The following BRAF variants were observed in gnomAD, a reference collection of about 807,000 sequenced individuals.
BRAF encodes serine/threonine-protein kinase B-raf.
In BRAF, 16 loss-of-function variants were observed where a neutral mutation model predicts 104.6. The observed-to-expected ratio is 0.15, with a 90% CI of 0.10 to 0.23. The LOEUF is 0.23. Among genes scored for constraint, BRAF ranks in the 10% least tolerant of loss-of-function variants. The probability of loss-of-function intolerance (pLI) is 1.00; values close to 1 mark genes in which losing one functional copy is unlikely to be tolerated. For synonymous variants in BRAF, 310 were observed against 341.6 expected, an observed-to-expected ratio of 0.91 and a Z score of 1.02; for missense variants, 541 against 937.3, an observed-to-expected ratio of 0.58 and a Z score of 5.52.
At chr7:140,778,894 C>T (rs778118002) in intron 12 of BRAF, among the ~76,000 whole-genome samples, 6 of 152,068 alleles carry the variant, frequency 3.9e-5, no homozygotes, top group Non-Finnish European at 7.4e-5. Flanking sequence ...TATATATACC[C>T]ATCAATGGTT....
At chr7:140,876,626 C>T (rs772373552) in intron 1 of BRAF, among the ~76,000 whole-genome samples, 3 of 151,924 alleles carry the variant, frequency 2.0e-5, no homozygotes, top group Admixed American at 1.3e-4. Flanking sequence ...TATATATGCA[C>T]CTAATAATGG....
intron 19 of BRAF, among the ~76,000 whole-genome samples, chr7:140,727,721 T>C (rs1050579383): frequency 1.3e-5 from 2 of 151,802 alleles, no homozygotes; most frequent in African/African-American, 4.8e-5. Flanking sequence ...CCTGGGCTCA[T>C]GCCATTCTCC....
chr7:140,808,071 T>G lies in BRAF; in HGVS notation c.609-9A>C. ...CAATTGGTTTCTTCTCTCTGAAAAA[T>G]GTAGACACAAGCCTTTCTTGGTTAT... On this transcript the variant is annotated splice_polypyrimidine_tract_variant and intron_variant, in intron 4 of 19. Transcript: ENST00000644969. 1 of 1,592,406 alleles carries G rather than the reference T, an allele frequency of 6.3e-7. No individual in the cohort carries two copies. Among genetic ancestry groups the G allele is most frequent in the Non-Finnish European group, 8.6e-7 (1 of 1,160,636 alleles).
At chr7:140,920,148 A>C (rs1818062714) in intron 1 of BRAF, among the ~76,000 whole-genome samples, 1 of 152,254 alleles carries the variant, frequency 6.6e-6, no homozygotes, top group South Asian at 2.1e-4. Context: ...CTTAAGGACA[A>C]TATGAGGCAG....
chr7:140,769,547 A>G (rs1799641944), intron 14 of BRAF, among the ~76,000 whole-genome samples: 1 of 152,226 alleles, frequency 6.6e-6, no homozygotes, highest in South Asian at 2.1e-4. Context: ...AAGTGGTCTC[A>G]TGCTGCAGCT....
intron 1 of BRAF, among the ~76,000 whole-genome samples, chr7:140,894,707 C>T (rs1177940693): frequency 6.6e-6 from 1 of 151,432 alleles, no homozygotes; most frequent in Admixed American, 6.6e-5. Flanking sequence ...ACAAAGCCCC[C>T]AAAGAAAAAT....
intron 3 of BRAF, 109 bp from the exon 4 acceptor site, chr7:140,809,104 G>T: frequency 1.3e-6 from 1 of 788,558 alleles, no homozygotes; most frequent in Non-Finnish European, 2.1e-6. Context: ...TGGGTTACTA[G>T]GTCAGATACA....
chr7:140,900,757 T>G, intron 1 of BRAF, among the ~76,000 whole-genome samples: 1 of 152,126 alleles, frequency 6.6e-6, no homozygotes, highest in East Asian at 1.9e-4. Flanking sequence ...ATTACAGGCG[T>G]GCACCATCAC....
At chr7:140,796,676 T>C (rs781011734) in intron 7 of BRAF, among the ~76,000 whole-genome samples, 1 of 152,230 alleles carries the variant, frequency 6.6e-6, no homozygotes, top group Admixed American at 6.5e-5. Context: ...TGGTATCTAA[T>C]AGTTGTGTCT....
chr7:140,815,798 TA>T (rs1407518638), intron 3 of BRAF, among the ~76,000 whole-genome samples: 2 of 152,096 alleles, frequency 1.3e-5, no homozygotes, highest in Non-Finnish European at 2.9e-5. Context: ...ATGCTTTCAT[TA>T]AAGTAGAAAA....
chr7:140,753,515 T>C (rs568864901), intron 15 of BRAF, 122 bp from the exon 15 acceptor site: 283 of 677,338 alleles, frequency 4.2e-4, no homozygotes, highest in Non-Finnish European at 6.2e-4. Flanking sequence ...CTTTAAAACA[T>C]AGTACTTCAT....
At position 140,752,842 on chromosome 7, in the gene BRAF, G is replaced by A. The variant is rs1797895164; in HGVS notation, c.1980+433C>T. Among the ~76,000 whole-genome samples, 4 of 151,976 alleles carry A rather than the reference G, an allele frequency of 2.6e-5. No individual in the cohort carries two copies. The South Asian group carries it at 6.2e-4, about 24-fold the overall frequency. ...ATAATAATGGCTGTGGATCACACCTGCCTTAAATTGCATACCTGTTTTTTT... is the reference window on the plus strand; with the variant it reads ...ATAATAATGGCTGTGGATCACACCTACCTTAAATTGCATACCTGTTTTTTT... On this transcript the variant is annotated intron_variant, in intron 16 of 19. Coordinates refer to ENST00000644969, the MANE Select transcript of BRAF (RefSeq NM_001374258.1).
intron 11 of BRAF, among the ~76,000 whole-genome samples, chr7:140,782,498 T>C (rs1800977937): frequency 6.6e-6 from 1 of 151,996 alleles, no homozygotes; most frequent in Non-Finnish European, 1.5e-5. Flanking sequence ...TAAAATTACT[T>C]TGGTAGGGTA....
At chr7:140,835,340 T>C (rs1201196776) in intron 2 of BRAF, 1 of 169,326 alleles carries the variant, frequency 5.9e-6, no homozygotes, top group Non-Finnish European at 1.3e-5. Context: ...ACATGAGGTA[T>C]TAAGGATTTG....
rs960414041 is a variant in BRAF at position 140,724,402 on chromosome 7, T to G, written c.*2092A>C. ...AAAAAGAAAAAACAGCCAATGCTTTTCAAGAGAGGCAGTATTATTGCACAG... is the reference window on the plus strand; with the variant it reads ...AAAAAGAAAAAACAGCCAATGCTTTGCAAGAGAGGCAGTATTATTGCACAG... On this transcript the variant is annotated 3_prime_UTR_variant, in exon 20 of 20. Transcript: ENST00000644969. 1.2e-5 allele frequency: 13 copies of G among 1,056,032 alleles called. No individual in the cohort carries two copies. In the African/African-American group the frequency reaches 2.1e-4, roughly 17 times the overall value. 65.4% of individuals were successfully genotyped at this position (1,056,032 alleles called of 1,614,324 possible).
At chr7:140,849,616 G>C (rs1454983582) in intron 2 of BRAF, among the ~76,000 whole-genome samples, 1 of 151,404 alleles carries the variant, frequency 6.6e-6, no homozygotes, top group African/African-American at 2.4e-5. Context: ...TTCGAGACCA[G>C]CCTGGCCAAT....
At chr7:140,922,639 A>C (rs1818351882) in intron 1 of BRAF, among the ~76,000 whole-genome samples, 1 of 152,236 alleles carries the variant, frequency 6.6e-6, no homozygotes, top group African/African-American at 2.4e-5. Context: ...ACAGAGTAAA[A>C]TAAAATCCAG....
In BRAF at chr7:140,726,224, G is replaced by C; in HGVS notation, c.*270C>G. ...CTGACCATCAAAAGGTCAGAATTCA[G>C]GGTCTCTCCTCTTTCTTCCTGGGAC... On this transcript the variant is annotated 3_prime_UTR_variant, in exon 20 of 20. Coordinates refer to ENST00000644969, the MANE Select transcript of BRAF (RefSeq NM_001374258.1). 1 of 1,286,264 alleles carries C rather than the reference G, an allele frequency of 7.8e-7. No homozygotes were observed. The highest frequency in any genetic ancestry group is 9.8e-7 in the Non-Finnish European group (1 of 1,018,110). The allele number at this position is 1,286,264 out of a possible 1,614,324, so 79.7% of individuals were successfully genotyped here.
chr7:140,906,988 T>C (rs1816396693), intron 1 of BRAF, among the ~76,000 whole-genome samples: 1 of 152,222 alleles, frequency 6.6e-6, no homozygotes, highest in African/African-American at 2.4e-5. Context: ...GCCAGAAATA[T>C]CTTTTGAAAT....
Sources: allele counts gnomAD v4.1 joint callset (sites outside exome capture counted in the v4.1 genomes callset), GRCh38; gene constraint gnomAD v4.1.1; transcripts MANE v1.5; gene names NCBI Gene and HGNC (gene_info 2026-07-23, HGNC 2026-07-21).